The following KCNMA1 variants were observed in gnomAD, a reference collection of about 807,000 sequenced individuals.
The protein encoded by KCNMA1 is Calcium-activated potassium channel subunit alpha-1.
KCNMA1 carries 29 observed loss-of-function variants against 140.0 expected under a neutral mutation model. The observed-to-expected ratio is 0.21, with a 90% CI of 0.15 to 0.28. The LOEUF is 0.28. Among genes scored for constraint, KCNMA1 ranks in the 10% least tolerant of loss-of-function variants. KCNMA1 has a pLI of 1.00. For missense variants in KCNMA1, 880 were observed against 1,602.2 expected (o/e 0.55, Z 7.70); for synonymous variants, 612 against 611.9 (o/e 1.00, Z 0.00).
intron 20 of KCNMA1, among the ~76,000 whole-genome samples, chr10:76,960,243 A>G (rs906888940): frequency 2.6e-5 from 4 of 152,204 alleles, no homozygotes; most frequent in African/African-American, 9.7e-5. Flanking sequence ...AAAGTCTAAT[A>G]AGGAACACAG....
chr10:77,413,186 G>A (rs3844120), intron 1 of KCNMA1, among the ~76,000 whole-genome samples: 52,397 of 152,034 alleles, frequency 0.34, 11,241 homozygotes, highest in African/African-American at 0.61. Context: ...AAAATGCTTT[G>A]TTTCATGACA....
At chr10:77,145,835 A>T (rs1021464526) in intron 5 of KCNMA1, among the ~76,000 whole-genome samples, 2 of 152,186 alleles carry the variant, frequency 1.3e-5, no homozygotes, top group Non-Finnish European at 2.9e-5. Context: ...ATAGGATTCA[A>T]ATCCCAGCTC....
At chr10:77,457,431 T>C (rs1190003201) in intron 1 of KCNMA1, among the ~76,000 whole-genome samples, 1 of 151,960 alleles carries the variant, frequency 6.6e-6, no homozygotes, top group Non-Finnish European at 1.5e-5. Context: ...CAGAGTCCTT[T>C]CCTCTGTGAT....
At chr10:77,272,890 C>G (rs1565641236) in intron 2 of KCNMA1, among the ~76,000 whole-genome samples, 1 of 152,156 alleles carries the variant, frequency 6.6e-6, no homozygotes, top group Non-Finnish European at 1.5e-5. Context: ...AAACACATTT[C>G]TATTGCAAAT....
chr10:77,152,278 T>TTGTGTGTGTG lies in KCNMA1; in HGVS notation c.808+31133_808+31142dup, dbSNP rs72088425. 8.8e-3 allele frequency among the ~76,000 whole-genome samples: 870 copies of TTGTGTGTGTG among 99,096 alleles called. 8 individuals are homozygous for TTGTGTGTGTG. Among genetic ancestry groups the TTGTGTGTGTG allele is most frequent in the African/African-American group, 0.021 (593 of 28,784 alleles). The allele number at this position is 99,096 out of a possible 152,430, so 65.0% of individuals were successfully genotyped here. A position where few individuals can be genotyped will look rare whatever the true frequency, so the allele number is the denominator to read the frequency against. ...TGGAGACTCTTCTGTTTTTTTGCTT[T>TTGTGTGTGTG]TGTGTGTGTGTGTGTGTGTGTGTGT... is the stretch of plus-strand genomic sequence containing the variant. On this transcript the variant is annotated intron_variant, in intron 5 of 27. Coordinates refer to ENST00000286628, the MANE Select transcript of KCNMA1 (RefSeq NM_001161352.2).
At chr10:77,334,374 C>A (rs953350844) in intron 2 of KCNMA1, among the ~76,000 whole-genome samples, 1 of 152,130 alleles carries the variant, frequency 6.6e-6, no homozygotes, top group Non-Finnish European at 1.5e-5. Context: ...GTAAATTAAT[C>A]AAAAATTAAG....
intron 1 of KCNMA1, among the ~76,000 whole-genome samples, chr10:77,421,353 A>G (rs3844123): frequency 0.028 from 4,254 of 152,192 alleles, 192 homozygotes; most frequent in African/African-American, 0.096. Flanking sequence ...AAACCTTCCA[A>G]TCATGTGGTC....
chr10:77,339,802 A>C (rs2154374522), intron 2 of KCNMA1, among the ~76,000 whole-genome samples: 1 of 152,368 alleles, frequency 6.6e-6, no homozygotes, highest in Middle Eastern at 3.4e-3. Flanking sequence ...CTGCAGGGGA[A>C]GATGTCTGAT....
intron 23 of KCNMA1, among the ~76,000 whole-genome samples, chr10:76,927,658 G>A (rs1287215115): frequency 1.3e-5 from 2 of 152,184 alleles, no homozygotes; most frequent in African/African-American, 2.4e-5. Flanking sequence ...TCTACATGTG[G>A]TTGTTCAGCT....
intron 1 of KCNMA1, among the ~76,000 whole-genome samples, chr10:77,472,780 C>T (rs2098193621): frequency 6.6e-6 from 1 of 152,152 alleles, no homozygotes. Flanking sequence ...AGCGCTGGAG[C>T]TTGTGTTTAT....
chr10:77,493,366 C>T (rs944218663), intron 1 of KCNMA1, among the ~76,000 whole-genome samples: 1 of 152,234 alleles, frequency 6.6e-6, no homozygotes, highest in Non-Finnish European at 1.5e-5. Flanking sequence ...CAGCAAGCTG[C>T]CCCCAGGGAC....
chr10:77,630,208 G>GCTCT (rs2093016618), intron 1 of KCNMA1, among the ~76,000 whole-genome samples: 1 of 152,200 alleles, frequency 6.6e-6, no homozygotes, highest in Non-Finnish European at 1.5e-5. Flanking sequence ...ACACTCCAGA[G>GCTCT]GGAGTGGTCC....
chr10:77,510,807 T>C (rs950094754), intron 1 of KCNMA1, among the ~76,000 whole-genome samples: 4 of 151,832 alleles, frequency 2.6e-5, no homozygotes, highest in Non-Finnish European at 5.9e-5. Context: ...TTTAGAAAAA[T>C]AAAAAAGGAG....
chr10:77,274,571 C>G (rs1264955233), intron 2 of KCNMA1, among the ~76,000 whole-genome samples: 3 of 152,184 alleles, frequency 2.0e-5, no homozygotes, highest in African/African-American at 7.2e-5. Context: ...AGCACAGACA[C>G]TAGCAGAGCT....
intron 1 of KCNMA1, among the ~76,000 whole-genome samples, chr10:77,417,755 G>A (rs1178384568): frequency 6.6e-6 from 1 of 152,180 alleles, no homozygotes; most frequent in Non-Finnish European, 1.5e-5. Context: ...GAACTTGGAT[G>A]GGGCTTGGCT....
At chr10:77,071,893 C>G (rs2096228851) in intron 14 of KCNMA1, among the ~76,000 whole-genome samples, 2 of 152,188 alleles carry the variant, frequency 1.3e-5, no homozygotes, top group South Asian at 4.1e-4. Flanking sequence ...TAGAAAAACT[C>G]CTGCTCTAAA....
At chr10:77,550,066 G>T (rs1029384205) in intron 1 of KCNMA1, among the ~76,000 whole-genome samples, 2 of 152,158 alleles carry the variant, frequency 1.3e-5, no homozygotes, top group Admixed American at 1.3e-4. Flanking sequence ...CATTGTGCAC[G>T]CACCCCCAGC....
rs528740516 is a variant in KCNMA1 at position 77,501,148 on chromosome 10, GC to G, written c.379-97126del. ...ATTGTTGGGTGACATCAAACAAGTT[GC>G]TTAACCTCTCTATGCCTCCATTATC... On this transcript the variant is annotated intron_variant, in intron 1 of 27. Coordinates refer to ENST00000286628, the MANE Select transcript of KCNMA1 (RefSeq NM_001161352.2). Among the ~76,000 whole-genome samples, 120 of 152,342 alleles carry G rather than the reference GC, an allele frequency of 7.9e-4. 5 individuals are homozygous for G. The South Asian group carries it at 0.024, about 30-fold the overall frequency.
intron 23 of KCNMA1, among the ~76,000 whole-genome samples, chr10:76,934,231 C>A (rs1031118445): frequency 6.6e-6 from 1 of 152,216 alleles, no homozygotes; most frequent in African/African-American, 2.4e-5. Flanking sequence ...TTCGGCCCCC[C>A]AGTGTGCTGG....
Sources: gnomAD v4.1 joint callset for allele counts (sites outside exome capture counted in the v4.1 genomes callset) on GRCh38, gnomAD v4.1.1 for gene constraint, MANE v1.5 for transcripts, NCBI Gene and HGNC (gene_info 2026-07-23, HGNC 2026-07-21) for gene names.